Variants in TNKS observed in about 807,000 individuals in gnomAD.
TNKS encodes tankyrase.
A neutral mutation model predicts 135.8 loss-of-function variants in TNKS; 72 were observed. The observed-to-expected ratio is 0.53, with a 90% CI of 0.44 to 0.64. The LOEUF (loss-of-function observed/expected upper bound fraction) is 0.64. Among genes scored for constraint, TNKS ranks in the 30% least tolerant of loss-of-function variants. The probability of loss-of-function intolerance (pLI) is 0.00; values close to 1 mark genes in which losing one functional copy is unlikely to be tolerated. For synonymous variants in TNKS, 849 were observed against 649.3 expected (o/e 1.31, Z -4.68); for missense variants, 1,769 against 1,674.0 (o/e 1.06, Z -0.99).
intron 3 of TNKS, among the ~76,000 whole-genome samples, chr8:9,642,938 C>T (rs1173251501): frequency 6.9e-6 from 1 of 145,542 alleles, no homozygotes; most frequent in Non-Finnish European, 1.5e-5. Flanking sequence ...TATACTCTAC[C>T]CCCATAATAG....
intron 15 of TNKS, 88 bp from the exon 16 acceptor site, chr8:9,734,777 C>G (rs980747172): frequency 6.1e-6 from 7 of 1,151,268 alleles, no homozygotes; most frequent in African/African-American, 1.6e-5. Flanking sequence ...CCCAGAGGAA[C>G]AAAGGTAGAG....
chr8:9,622,349 A>G (rs1585242319), intron 3 of TNKS, among the ~76,000 whole-genome samples: 2 of 152,252 alleles, frequency 1.3e-5, no homozygotes, highest in East Asian at 1.9e-4. Context: ...TACATAAAAT[A>G]CAGTGACAAT....
chr8:9,704,615 CTT>C, intron 5 of TNKS, 46 bp from the exon 6 acceptor site: 1 of 1,485,412 alleles, frequency 6.7e-7, no homozygotes, highest in African/African-American at 1.4e-5. Context: ...CAAGGATTTT[CTT>C]TGTTTGTTTG....
intron 7 of TNKS, 80 bp downstream of exon 7, chr8:9,706,333 C>A: frequency 8.8e-7 from 1 of 1,141,362 alleles, no homozygotes. Flanking sequence ...ATACTTTCGG[C>A]CTCATGAAAG....
chr8:9,630,271 G>T (rs1402196823), intron 3 of TNKS, among the ~76,000 whole-genome samples: 2 of 152,040 alleles, frequency 1.3e-5, no homozygotes, highest in South Asian at 2.1e-4. Context: ...TGATCATTCC[G>T]CCAGTGGGTG....
rs539268081 is a variant in TNKS, at chr8:9,655,409, C to T, written c.995-24542C>T. ...GAAGAGAGTAGTGGTTCTCCCAGCA[C>T]GCAGCTTGAGATCCGAGAACGGGCA... On this transcript the variant is annotated intron_variant, in intron 3 of 26. Transcript: ENST00000310430. 5.9e-5 allele frequency among the ~76,000 whole-genome samples: 9 copies of T among 152,310 alleles called. No homozygotes were observed. The South Asian group carries it at 1.0e-3, about 18-fold the overall frequency.
chr8:9,597,211 G>A (rs1274454261), intron 2 of TNKS, among the ~76,000 whole-genome samples: 1 of 152,174 alleles, frequency 6.6e-6, no homozygotes, highest in Non-Finnish European at 1.5e-5. Flanking sequence ...AACGGACGTT[G>A]GCTCTACTGC....
At chr8:9,631,453 C>G (rs1800284279) in intron 3 of TNKS, among the ~76,000 whole-genome samples, 1 of 152,084 alleles carries the variant, frequency 6.6e-6, no homozygotes, top group Admixed American at 6.5e-5. Flanking sequence ...GGTAATTATT[C>G]TATAAAATAA....
chr8:9,759,933 G>A (rs1002323688), intron 20 of TNKS, among the ~76,000 whole-genome samples: 6 of 151,486 alleles, frequency 4.0e-5, no homozygotes, highest in African/African-American at 7.3e-5. Flanking sequence ...CGCTGAGATC[G>A]CGCCACTGCA....
Position 9,630,515 on chromosome 8 carries a change from A to G in TNKS, c.994+14838A>G, listed in dbSNP as rs564055019. ...AAGTTCTACTTTCAGCTGCTCTTAA[A>G]TAAACTAACAGACTTACTCTTCAAA... On this transcript the variant is annotated intron_variant, in intron 3 of 26. Coordinates refer to ENST00000310430, the MANE Select transcript of TNKS (RefSeq NM_003747.3). 3.3e-5 allele frequency among the ~76,000 whole-genome samples: 5 copies of G among 152,354 alleles called. No homozygotes were observed. In the South Asian group the frequency reaches 6.2e-4, roughly 19 times the overall value.
intron 2 of TNKS, among the ~76,000 whole-genome samples, chr8:9,608,639 C>A (rs1002760967): frequency 6.6e-6 from 1 of 152,180 alleles, no homozygotes; most frequent in Non-Finnish European, 1.5e-5. Flanking sequence ...CCTTCACAGA[C>A]ATCTGGGGCC....
At chr8:9,661,066 G>A (rs1351846445) in intron 3 of TNKS, among the ~76,000 whole-genome samples, 1 of 151,742 alleles carries the variant, frequency 6.6e-6, no homozygotes, top group Non-Finnish European at 1.5e-5. Flanking sequence ...ACAAACCTCT[G>A]CTCAATGAAA....
chr8:9,672,720 A>C (rs1366375263), intron 3 of TNKS, among the ~76,000 whole-genome samples: 1 of 147,212 alleles, frequency 6.8e-6, no homozygotes, highest in Non-Finnish European at 1.5e-5. Flanking sequence ...ACAAAAAAAA[A>C]AAAACAAACT....
intron 1 of TNKS, 73 bp from the exon 2 acceptor site, chr8:9,580,086 T>A: frequency 7.8e-7 from 1 of 1,280,198 alleles, no homozygotes; most frequent in Non-Finnish European, 1.1e-6. Flanking sequence ...TTGTTGATAT[T>A]GTTACAGATA....
At chr8:9,612,945 T>C (rs2128764326) in intron 2 of TNKS, among the ~76,000 whole-genome samples, 1 of 152,346 alleles carries the variant, frequency 6.6e-6, no homozygotes, top group South Asian at 2.1e-4. Context: ...ATGTATTTAC[T>C]ATTCATTAAG....
chr8:9,704,540 T>C (rs1240831843), intron 5 of TNKS, 123 bp from the exon 6 acceptor site: 3 of 730,696 alleles, frequency 4.1e-6, no homozygotes, highest in Middle Eastern at 2.5e-4. Flanking sequence ...AAATGTGAAT[T>C]TTTGACATTT....
chr8:9,647,413 A>C (rs768252535), intron 3 of TNKS, among the ~76,000 whole-genome samples: 11 of 152,176 alleles, frequency 7.2e-5, no homozygotes, highest in Non-Finnish European at 7.3e-5. Context: ...AGTGAAATTG[A>C]ATAAGATCAT....
chr8:9,688,611 GTT>G (rs1168377517), intron 5 of TNKS, among the ~76,000 whole-genome samples: 1 of 152,028 alleles, frequency 6.6e-6, no homozygotes, highest in African/African-American at 2.4e-5. Context: ...CAGATGGTCT[GTT>G]TCTGGTGAGC....
At chr8:9,650,902 C>T (rs554182800) in intron 3 of TNKS, among the ~76,000 whole-genome samples, 19 of 152,264 alleles carry the variant, frequency 1.2e-4, no homozygotes, top group African/African-American at 4.6e-4. Flanking sequence ...AAGCTAATGT[C>T]TAGAAGAGTT....
Sources: allele counts gnomAD v4.1 joint callset (sites outside exome capture counted in the v4.1 genomes callset), GRCh38; gene constraint gnomAD v4.1.1; transcripts MANE v1.5; gene names NCBI Gene and HGNC (gene_info 2026-07-23, HGNC 2026-07-21).